The following DACH2 variants were observed in gnomAD, a reference collection of about 807,000 sequenced individuals.
DACH2 encodes dachshund homolog 2.
In DACH2, 17 loss-of-function variants were observed where a neutral mutation model predicts 35.8. That is an observed-to-expected ratio of 0.48 (90% CI 0.33 to 0.71). The LOEUF is 0.71. DACH2 is among the 30% of genes least tolerant of loss of function. DACH2 has a pLI of 0.02. For synonymous variants in DACH2, 195 were observed against 177.3 expected, an observed-to-expected ratio of 1.10 and a Z score of -0.79; for missense variants, 469 against 472.7, an observed-to-expected ratio of 0.99 and a Z score of 0.07.
intron 7 of DACH2, among the ~76,000 whole-genome samples, chrX:86,758,584 A>T (rs1376194089): frequency 1.8e-5 from 2 of 111,929 alleles, no homozygotes; most frequent in Non-Finnish European, 3.8e-5. Flanking sequence ...TTGTGGTTTG[A>T]GAAGATACTT....
At chrX:86,584,373 C>T (rs183344888) in intron 3 of DACH2, among the ~76,000 whole-genome samples, 6 of 110,266 alleles carry the variant, frequency 5.4e-5, no homozygotes, top group Admixed American at 1.9e-4. Flanking sequence ...TTCACTTTTT[C>T]GTGGTTTGAT....
intron 4 of DACH2, among the ~76,000 whole-genome samples, chrX:86,687,506 C>A (rs1324324007): frequency 9.0e-6 from 1 of 111,515 alleles, no homozygotes; most frequent in Non-Finnish European, 1.9e-5. Flanking sequence ...GATCTAGAAC[C>A]AGAAATACCA....
chrX:86,504,841 A>G (rs1052428871), intron 2 of DACH2, among the ~76,000 whole-genome samples: 2 of 111,944 alleles, frequency 1.8e-5, no homozygotes, highest in African/African-American at 6.5e-5. Context: ...AGTTTGAAAA[A>G]GGAAAGAGGT....
chrX:86,358,427 CCCG>C lies in DACH2; in HGVS notation c.489-18394_489-18392del, dbSNP rs1183424682. 2.8e-3 allele frequency among the ~76,000 whole-genome samples: 229 copies of C among 83,055 alleles called. 3 individuals carry two copies. The highest frequency in any genetic ancestry group is 0.027 in the East Asian group (65 of 2,374). 72.1% of individuals were successfully genotyped at this position (83,055 alleles called of 115,157 possible). A position where few individuals can be genotyped will look rare whatever the true frequency, so the allele number is the denominator to read the frequency against. ...ATTTTCCAAATTATGCCATCCCAGC[CCCG>C]CCACACACACACACACACACACACA... On this transcript the variant is annotated intron_variant, in intron 1 of 11. Transcript: ENST00000373125.
At chrX:86,591,488 T>C (rs1455401763) in intron 3 of DACH2, among the ~76,000 whole-genome samples, 1 of 110,694 alleles carries the variant, frequency 9.0e-6, no homozygotes, top group Non-Finnish European at 1.9e-5. Context: ...TTCATATGGT[T>C]ATTTGTCATC....
At chrX:86,384,630 C>A (rs2036095840) in intron 2 of DACH2, among the ~76,000 whole-genome samples, 1 of 111,523 alleles carries the variant, frequency 9.0e-6, no homozygotes, top group Non-Finnish European at 1.9e-5. Context: ...TTTAGGCTAT[C>A]ATTGGAATTT....
At chrX:86,579,023 T>A (rs2039469875) in intron 3 of DACH2, among the ~76,000 whole-genome samples, 1 of 111,910 alleles carries the variant, frequency 8.9e-6, no homozygotes, top group Non-Finnish European at 1.9e-5. Flanking sequence ...TTATTTTCTA[T>A]GTGCTTATTT....
intron 3 of DACH2, among the ~76,000 whole-genome samples, chrX:86,574,339 A>G (rs369437481): frequency 1.8e-5 from 2 of 111,427 alleles, no homozygotes; most frequent in South Asian, 7.5e-4. Flanking sequence ...TTACCAGCCA[A>G]TTAAAACTAT....
chrX:86,578,050 G>C (rs1268131865), intron 3 of DACH2, among the ~76,000 whole-genome samples: 1 of 111,792 alleles, frequency 8.9e-6, no homozygotes, highest in Non-Finnish European at 1.9e-5. Flanking sequence ...CACAAATGGG[G>C]AGTATGTGAA....
intron 1 of DACH2, among the ~76,000 whole-genome samples, chrX:86,153,637 A>G (rs2030444788): frequency 9.0e-6 from 1 of 111,715 alleles, no homozygotes; most frequent in Non-Finnish European, 1.9e-5. Flanking sequence ...GTAAATGCAC[A>G]TTTTATTCTA....
chrX:86,802,912 C>T (rs1453920175), intron 7 of DACH2, among the ~76,000 whole-genome samples: 2 of 112,169 alleles, frequency 1.8e-5, no homozygotes, highest in Non-Finnish European at 3.8e-5. Context: ...TTACCCCATT[C>T]CCAATCCTGC....
intron 5 of DACH2, among the ~76,000 whole-genome samples, chrX:86,699,218 A>T (rs970619645): frequency 8.9e-6 from 1 of 111,984 alleles, no homozygotes; most frequent in South Asian, 3.7e-4. Flanking sequence ...ACCTAAAAGT[A>T]TTTACAGAAC....
At chrX:86,412,496 T>C (rs1287549438) in intron 2 of DACH2, among the ~76,000 whole-genome samples, 1 of 111,814 alleles carries the variant, frequency 8.9e-6, no homozygotes, top group Non-Finnish European at 1.9e-5. Flanking sequence ...CGCCATTCTA[T>C]CAATCCAGCT....
chrX:86,741,593 A>G (rs1176686168), intron 7 of DACH2, among the ~76,000 whole-genome samples: 1 of 111,825 alleles, frequency 8.9e-6, no homozygotes. Context: ...CTTTTCTACG[A>G]CATAGACTAC....
intron 5 of DACH2, among the ~76,000 whole-genome samples, chrX:86,698,726 G>A (rs954936031): frequency 2.8e-5 from 3 of 107,494 alleles, no homozygotes; most frequent in Non-Finnish European, 1.9e-5. Context: ...AGTAGAAACA[G>A]GGTTTTGCCA....
chrX:86,357,037 G>T (rs943865761), intron 1 of DACH2, among the ~76,000 whole-genome samples: 1 of 111,174 alleles, frequency 9.0e-6, no homozygotes, highest in Non-Finnish European at 1.9e-5. Flanking sequence ...GCTCCCACTT[G>T]TAAGTGAGAA....
chrX:86,789,499 G>A (rs1026074726), intron 7 of DACH2, among the ~76,000 whole-genome samples: 1 of 111,560 alleles, frequency 9.0e-6, no homozygotes, highest in Non-Finnish European at 1.9e-5. Flanking sequence ...AACAATAAAT[G>A]GAGTCTATTT....
chrX:86,534,582 A>T (rs1243728808), intron 3 of DACH2, among the ~76,000 whole-genome samples: 1 of 112,001 alleles, frequency 8.9e-6, no homozygotes, highest in Non-Finnish European at 1.9e-5. Context: ...TAAATCATGC[A>T]TTAGACTCCA....
intron 7 of DACH2, among the ~76,000 whole-genome samples, chrX:86,797,896 G>A (rs761658725): frequency 6.3e-5 from 7 of 111,316 alleles, no homozygotes; most frequent in South Asian, 3.7e-4. Flanking sequence ...CATATAATGC[G>A]TTCCACACTT....
Sources: allele counts gnomAD v4.1 joint callset (sites outside exome capture counted in the v4.1 genomes callset), GRCh38; gene constraint gnomAD v4.1.1; transcripts MANE v1.5; gene names NCBI Gene and HGNC (gene_info 2026-07-23, HGNC 2026-07-21).